PDIA6: variants seen among roughly 807,000 people sequenced by gnomAD.
The protein encoded by PDIA6 is protein disulfide isomerase family A member 6.
In PDIA6, 29 loss-of-function variants were observed where a neutral mutation model predicts 58.4. The observed-to-expected ratio is 0.50, with a 90% confidence interval of 0.37 to 0.68. The LOEUF is 0.68. Ranked by LOEUF, PDIA6 falls within the 30% of genes least tolerant of loss-of-function variation. PDIA6 has a pLI of 0.00. For missense variants in PDIA6, 480 were observed against 551.0 expected (o/e 0.87, Z 1.29); for synonymous variants, 192 against 202.6 (o/e 0.95, Z 0.44).
chr2:10,788,124 G>A (rs17455729), intron 10 of PDIA6, among the ~76,000 whole-genome samples: 11,839 of 150,428 alleles, frequency 0.079, 604 homozygotes, highest in South Asian at 0.15. Flanking sequence ...AATGTGCCTA[G>A]ATCCAGTCCT....
chr2:10,824,449 T>C (rs1667493990), intron 1 of PDIA6, among the ~76,000 whole-genome samples: 1 of 152,238 alleles, frequency 6.6e-6, no homozygotes, highest in Non-Finnish European at 1.5e-5. Flanking sequence ...GCCACAGTTA[T>C]TGGCTCAGGA....
intron 1 of PDIA6, among the ~76,000 whole-genome samples, chr2:10,826,768 A>T (rs1056138939): frequency 1.3e-5 from 2 of 152,226 alleles, no homozygotes; most frequent in Non-Finnish European, 2.9e-5. Context: ...ACATAGAAGA[A>T]AAATCTGCCC....
At chr2:10,806,791 CCTTT>C (rs561146410) in intron 1 of PDIA6, among the ~76,000 whole-genome samples, 1,844 of 152,032 alleles carry the variant, frequency 0.012, 13 homozygotes, top group Non-Finnish European at 0.016. Flanking sequence ...TTTACTGCAC[CCTTT>C]CTATGTTTAG....
chr2:10,787,521 G>A, intron 10 of PDIA6, 82 bp from the exon 11 acceptor site: 3 of 1,240,252 alleles, frequency 2.4e-6, no homozygotes, highest in Non-Finnish European at 3.4e-6. Flanking sequence ...GAGAACAAAA[G>A]ATCACGCTTC....
At position 10,789,782 on chromosome 2, in the gene PDIA6, A is replaced by G. The variant is rs773053876; in HGVS notation, c.807T>C (p.Phe269=). Reference sequence around the variant, plus strand: ...GCTCAGGAGGTGGGGCGTTATCAGAAAACAAATCAAGGGCCCGGGACACGA... The same window carrying G: ...GCTCAGGAGGTGGGGCGTTATCAGAGAACAAATCAAGGGCCCGGGACACGA... ...SDIVSRALDL[F]SDNAPPPELL... Residue 269 remains phenylalanine, a synonymous_variant, in exon 8 of 13, where the codon TTT becomes TTC. Coordinates refer to ENST00000272227, the MANE Select transcript of PDIA6 (RefSeq NM_005742.4). 1.2e-6 allele frequency: 2 copies of G among 1,614,018 alleles called. No individual in the cohort carries two copies. Among genetic ancestry groups the G allele is most frequent in the Non-Finnish European group, 1.7e-6 (2 of 1,179,912 alleles).
intron 7 of PDIA6, 118 bp downstream of exon 7, chr2:10,790,601 C>T: frequency 1.4e-6 from 1 of 692,616 alleles, no homozygotes; most frequent in Non-Finnish European, 2.5e-6. Flanking sequence ...TTTATCTCTT[C>T]ACTTACAAAA....
At position 10,787,657 on chromosome 2, in the gene PDIA6, A is replaced by G. The variant is rs142689765; in HGVS notation, c.999-218T>C. Among the ~76,000 whole-genome samples the G allele has an allele frequency of 3.6e-3, 555 of 152,296 alleles. 5 individuals are homozygous for G. The highest frequency in any genetic ancestry group is 0.013 in the African/African-American group (537 of 41,570). On this transcript the variant is annotated intron_variant, in intron 10 of 12. Transcript: ENST00000272227. ...ATGTTCTCGCGTTCTGTAGGCATCTAATAAACATTTGCTGGACTAATGGAG... is the reference window on the plus strand; with the variant it reads ...ATGTTCTCGCGTTCTGTAGGCATCTGATAAACATTTGCTGGACTAATGGAG...
chr2:10,795,643 G>T (rs1666235407), intron 4 of PDIA6, among the ~76,000 whole-genome samples: 1 of 152,206 alleles, frequency 6.6e-6, no homozygotes, highest in Admixed American at 6.5e-5. Flanking sequence ...ATACAGAGAA[G>T]CAAGACACTA....
At chr2:10,798,458 T>C (rs370792662) in intron 2 of PDIA6, among the ~76,000 whole-genome samples, 67 of 150,932 alleles carry the variant, frequency 4.4e-4, no homozygotes, top group South Asian at 4.4e-3. Context: ...ATCTTAGCTA[T>C]TGGGGAGGCT....
upstream of PDIA6, among the ~76,000 whole-genome samples, chr2:10,834,363 C>G (rs11903377): frequency 2.6e-5 from 4 of 152,122 alleles, no homozygotes; most frequent in African/African-American, 9.7e-5. Context: ...ACATTCTGGA[C>G]ACGTGTGCCC....
At chr2:10,820,481 A>G (rs529713278) in intron 1 of PDIA6, among the ~76,000 whole-genome samples, 1 of 152,318 alleles carries the variant, frequency 6.6e-6, no homozygotes, top group African/African-American at 2.4e-5. Context: ...CATGGTGGAC[A>G]TGTCCAGCCC....
intron 1 of PDIA6, among the ~76,000 whole-genome samples, chr2:10,828,800 C>T (rs74922275): frequency 0.14 from 21,811 of 152,228 alleles, 2,121 homozygotes; most frequent in African/African-American, 0.27. Flanking sequence ...GCCAAATGAC[C>T]CCTGGCTCTG....
At chr2:10,793,876 A>C (rs1666148564) in intron 4 of PDIA6, among the ~76,000 whole-genome samples, 1 of 152,194 alleles carries the variant, frequency 6.6e-6, no homozygotes, top group Non-Finnish European at 1.5e-5. Context: ...AGTAGGTATG[A>C]GGTGTCTTTA....
chr2:10,807,969 A>G (rs1270865914), intron 1 of PDIA6, among the ~76,000 whole-genome samples: 1 of 152,206 alleles, frequency 6.6e-6, no homozygotes, highest in Non-Finnish European at 1.5e-5. Flanking sequence ...TTCCTATTAC[A>G]CCATGCTGTC....
rs761487085 is a variant in PDIA6, at chr2:10,787,230, C to A, written c.1157+51G>T. The A allele has an allele frequency of 4.5e-6, 7 of 1,539,878 alleles. No individual in the cohort carries two copies. In the African/African-American group the frequency reaches 9.5e-5, roughly 21 times the overall value. ...CCTAGTTCCAAATATAAACCTACAA[C>A]AGAACCAAACAAACAGACAAAACAA... On this transcript the variant is annotated intron_variant, in intron 11 of 12. Transcript: ENST00000272227.
chr2:10,819,365 G>T, intron 1 of PDIA6: 1 of 1,454,834 alleles, frequency 6.9e-7, no homozygotes, highest in African/African-American at 1.4e-5. Context: ...CTGAAAGTGA[G>T]AGAGAAGAGG....
At chr2:10,792,791 A>G (rs978756776) in intron 5 of PDIA6, among the ~76,000 whole-genome samples, 2 of 152,062 alleles carry the variant, frequency 1.3e-5, no homozygotes, top group Non-Finnish European at 2.9e-5. Context: ...CGTCCATCCC[A>G]TCCCCACTCT....
chr2:10,798,260 C>T (rs1428659556), intron 2 of PDIA6, among the ~76,000 whole-genome samples: 10 of 152,088 alleles, frequency 6.6e-5, no homozygotes, highest in Admixed American at 6.5e-4. Context: ...TTACTTACAA[C>T]AATCACTTTT....
At chr2:10,806,593 A>G (rs1462889344) in intron 1 of PDIA6, among the ~76,000 whole-genome samples, 1 of 128,460 alleles carries the variant, frequency 7.8e-6, no homozygotes, top group Non-Finnish European at 1.8e-5. Flanking sequence ...TGGCCAACAC[A>G]GAATAGCAAA....
Sources: gnomAD v4.1 joint callset for allele counts (sites outside exome capture counted in the v4.1 genomes callset) on GRCh38, gnomAD v4.1.1 for gene constraint, MANE v1.5 for transcripts, NCBI Gene and HGNC (gene_info 2026-07-23, HGNC 2026-07-21) for gene names.